The following RNLS variants were observed in gnomAD, a reference collection of about 807,000 sequenced individuals.
RNLS encodes the protein renalase.
RNLS carries 39 observed loss-of-function variants against 39.8 expected under a neutral mutation model. That is an observed-to-expected ratio of 0.98 (90% confidence interval 0.76 to 1.28). RNLS has a LOEUF of 1.28. Among genes scored for constraint, RNLS ranks in the 50% most tolerant of loss-of-function variants. RNLS has a pLI of 0.00. For missense variants in RNLS, 410 were observed against 413.3 expected (o/e 0.99, Z 0.07); for synonymous variants, 147 against 150.7 (o/e 0.98, Z 0.18).
At chr10:88,479,938 T>G (rs1029115509) in intron 4 of RNLS, among the ~76,000 whole-genome samples, 11 of 152,284 alleles carry the variant, frequency 7.2e-5, no homozygotes, top group Non-Finnish European at 1.5e-4. Context: ...TTAAATAAAC[T>G]CTTGCATTGT....
chr10:88,481,321 G>A (rs1350113760), intron 4 of RNLS, among the ~76,000 whole-genome samples: 1 of 152,004 alleles, frequency 6.6e-6, no homozygotes, highest in Non-Finnish European at 1.5e-5. Flanking sequence ...AATTATCATG[G>A]CTGGACTTAC....
intron 4 of RNLS, among the ~76,000 whole-genome samples, chr10:88,446,639 C>T (rs1467081834): frequency 2.0e-5 from 3 of 152,092 alleles, no homozygotes; most frequent in Non-Finnish European, 2.9e-5. Flanking sequence ...GATATCACCA[C>T]CGATCCCACA....
At chr10:88,554,226 C>T (rs1011423065) in intron 4 of RNLS, among the ~76,000 whole-genome samples, 1 of 151,030 alleles carries the variant, frequency 6.6e-6, no homozygotes, top group African/African-American at 2.4e-5. Flanking sequence ...TATTTGAAGT[C>T]CTTAATTTTA....
chr10:88,273,188 A>G (rs570589667), downstream of RNLS, among the ~76,000 whole-genome samples: 19 of 152,208 alleles, frequency 1.2e-4, no homozygotes, highest in Non-Finnish European at 2.5e-4. Flanking sequence ...ATTAGCTTCA[A>G]TCACTTTCCT....
rs539743904 is a variant in RNLS, at chr10:88,284,948, C to T, written c.*406G>A. ...AAAAATATTGATTCAAGGACACATC[C>T]GAAGACTTAAGATGGGGCTTTGATA... On this transcript the variant is annotated 3_prime_UTR_variant, in exon 7 of 7. Coordinates refer to ENST00000331772, the MANE Select transcript of RNLS (RefSeq NM_001031709.3). 1.1e-4 allele frequency: 104 copies of T among 987,396 alleles called. No individual in the cohort carries two copies. In the African/African-American group the frequency reaches 1.2e-3, roughly 11 times the overall value. The allele number at this position is 987,396 out of a possible 1,614,324, so 61.2% of individuals were successfully genotyped here.
At chr10:88,317,737 CTG>C (rs2133072369) in intron 5 of RNLS, among the ~76,000 whole-genome samples, 1 of 152,210 alleles carries the variant, frequency 6.6e-6, no homozygotes, top group East Asian at 1.9e-4. Flanking sequence ...TCAAAGTTAT[CTG>C]TGAATGGACA....
At chr10:88,255,229 C>A in the RNLS span, among the ~76,000 whole-genome samples, 4 of 152,214 alleles carry the variant, frequency 2.6e-5, no homozygotes, top group African/African-American at 4.8e-5. Context: ...GCTCCTGGAA[C>A]CACCTTTCAT....
At position 88,566,197 on chromosome 10, in the gene RNLS, A is replaced by C. The variant is rs957727754; in HGVS notation, c.526+6706T>G. Among the ~76,000 whole-genome samples, 5 of 152,002 alleles carry C rather than the reference A, an allele frequency of 3.3e-5. No homozygotes were observed. In the East Asian group the frequency reaches 9.6e-4, roughly 29 times the overall value. ...TTTCTGATTCATGAAAAAATATATA[A>C]ATACATACTTTAATCTTCTTTCCAA... On this transcript the variant is annotated intron_variant, in intron 4 of 6. Coordinates refer to ENST00000331772, the MANE Select transcript of RNLS (RefSeq NM_001031709.3).
At chr10:88,511,047 G>C (rs1846095177) in intron 4 of RNLS, among the ~76,000 whole-genome samples, 1 of 150,220 alleles carries the variant, frequency 6.7e-6, no homozygotes, top group South Asian at 2.1e-4. Context: ...AAAAACCTGA[G>C]GTTTTGAATT....
At chr10:88,242,637 A>T in the RNLS span, among the ~76,000 whole-genome samples, 1 of 152,228 alleles carries the variant, frequency 6.6e-6, no homozygotes, top group African/African-American at 2.4e-5. Flanking sequence ...GTTTAAAAGA[A>T]GCAGCTAAAG....
At chr10:88,332,973 A>G (rs118046297) in intron 5 of RNLS, among the ~76,000 whole-genome samples, 2,784 of 152,272 alleles carry the variant, frequency 0.018, 44 homozygotes, top group Non-Finnish European at 0.022. Context: ...TCCTGATTGT[A>G]CACTTTTGAG....
intron 4 of RNLS, among the ~76,000 whole-genome samples, chr10:88,426,645 G>C (rs1445050941): frequency 2.6e-5 from 4 of 152,012 alleles, no homozygotes; most frequent in Non-Finnish European, 4.4e-5. Context: ...TAGATGCTTT[G>C]CATGTATTAA....
At chr10:88,365,327 G>A (rs1241982198) in intron 4 of RNLS, among the ~76,000 whole-genome samples, 1 of 151,532 alleles carries the variant, frequency 6.6e-6, no homozygotes, top group African/African-American at 2.4e-5. Context: ...AGTTTCTAGT[G>A]CAAAATACTA....
Position 88,284,428 on chromosome 10 carries a change from T to C in RNLS, c.*926A>G. On this transcript the variant is annotated 3_prime_UTR_variant, in exon 7 of 7. Coordinates refer to ENST00000331772, the MANE Select transcript of RNLS (RefSeq NM_001031709.3). ...TGATTTCTCTCCAGCTAGCAAGTCG[T>C]GGGGTCAGGTCACTGAAGCATGTGG... The C allele has an allele frequency of 1.0e-6, 1 of 985,374 alleles. No individual in the cohort carries two copies. The highest frequency in any genetic ancestry group is 1.2e-6 in the Non-Finnish European group (1 of 829,898). The allele number at this position is 985,374 out of a possible 1,614,324, so 61.0% of individuals were successfully genotyped here.
At chr10:88,220,787 G>C in the RNLS span, among the ~76,000 whole-genome samples, 1 of 152,154 alleles carries the variant, frequency 6.6e-6, no homozygotes, top group Non-Finnish European at 1.5e-5. Context: ...CCTACTAAAT[G>C]CCAGTTATCA....
At chr10:88,180,150 A>G in the RNLS span, among the ~76,000 whole-genome samples, 1 of 152,210 alleles carries the variant, frequency 6.6e-6, no homozygotes, top group African/African-American at 2.4e-5. Context: ...TGTTTCGTTT[A>G]TAAGATTTGT....
intron 5 of RNLS, among the ~76,000 whole-genome samples, chr10:88,318,360 G>A (rs900696946): frequency 3.3e-5 from 5 of 152,228 alleles, no homozygotes; most frequent in Non-Finnish European, 7.4e-5. Context: ...AATCGGTGAA[G>A]GGGGTAGCAC....
intron 5 of RNLS, among the ~76,000 whole-genome samples, chr10:88,348,676 A>G (rs1305135790): frequency 6.6e-6 from 1 of 152,142 alleles, no homozygotes; most frequent in Admixed American, 6.6e-5. Context: ...CTTTTTTGGC[A>G]TCCCCAGGAG....
intron 4 of RNLS, among the ~76,000 whole-genome samples, chr10:88,493,027 AC>A (rs1844972125): frequency 6.6e-6 from 1 of 152,174 alleles, no homozygotes; most frequent in East Asian, 1.9e-4. Flanking sequence ...TGTTACCTAC[AC>A]CAACTGACAT....
Sources: gnomAD v4.1 joint callset for allele counts (sites outside exome capture counted in the v4.1 genomes callset) on GRCh38, gnomAD v4.1.1 for gene constraint, MANE v1.5 for transcripts, NCBI Gene and HGNC (gene_info 2026-07-23, HGNC 2026-07-21) for gene names.